Variants in KLRC3 observed in about 807,000 individuals in gnomAD.
KLRC3 encodes the protein NKG2-E type II integral membrane protein.
Under a neutral mutation model 23.6 loss-of-function variants are expected in KLRC3, and 16 were observed. That is an observed-to-expected ratio of 0.68 (90% CI 0.46 to 1.03). The LOEUF is 1.03. KLRC3 is among the 50% of genes least tolerant of loss of function. The probability of loss-of-function intolerance (pLI) is 0.00; values close to 1 mark genes in which losing one functional copy is unlikely to be tolerated. For missense variants in KLRC3, 209 were observed against 232.2 expected, an observed-to-expected ratio of 0.90 and a Z score of 0.65; for synonymous variants, 70 against 71.8, an observed-to-expected ratio of 0.98 and a Z score of 0.13.
chr12:10,413,924 C>T (rs954204552), intron 6 of KLRC3, among the ~76,000 whole-genome samples: 7 of 152,118 alleles, frequency 4.6e-5, no homozygotes, highest in African/African-American at 1.7e-4. Flanking sequence ...TGATGGTTTC[C>T]AGCTTCATCC....
chr12:10,416,330 C>T (rs981723666), intron 5 of KLRC3, among the ~76,000 whole-genome samples: 2 of 152,190 alleles, frequency 1.3e-5, no homozygotes, highest in African/African-American at 4.8e-5. Flanking sequence ...TTAAAACATT[C>T]TGAGATATTT....
chr12:10,415,664 C>G, intron 6 of KLRC3, 40 bp downstream of exon 6: 1 of 1,612,684 alleles, frequency 6.2e-7, no homozygotes, highest in Non-Finnish European at 8.5e-7. Context: ...ATCTGATGCA[C>G]TGCAAGCTCA....
chr12:10,413,910 A>C (rs1341275109), intron 6 of KLRC3, among the ~76,000 whole-genome samples: 1 of 151,656 alleles, frequency 6.6e-6, no homozygotes, highest in African/African-American at 2.4e-5. Context: ...TAGTTTGCTG[A>C]GAATGATGGT....
chr12:10,415,570 CTTA>C, intron 6 of KLRC3, 131 bp downstream of exon 6: 2 of 1,355,358 alleles, frequency 1.5e-6, no homozygotes, highest in Non-Finnish European at 2.0e-6. Context: ...TTGGAATTTT[CTTA>C]TTATTAGAGC....
intron 3 of KLRC3, 43 bp from the exon 4 acceptor site, chr12:10,418,541 T>A (rs749050331): frequency 2.8e-5 from 42 of 1,510,330 alleles, no homozygotes; most frequent in Middle Eastern, 1.7e-4. Context: ...TATGAATTTT[T>A]AAAAATGAAA....
At chr12:10,420,022 A>G (rs570967280) in intron 1 of KLRC3, 58 bp from the exon 2 acceptor site, 18 of 288,208 alleles carry the variant, frequency 6.2e-5, no homozygotes, top group Non-Finnish European at 1.0e-4. Flanking sequence ...GATTAGGATT[A>G]CATACTAGAG....
chr12:10,412,374 T>C lies in KLRC3; in HGVS notation c.*198A>G. ...TCTGCATTTTAATATTAATATTTGT[T>C]GTAAATGACTAATGCTTAAATCAAA... On this transcript the variant is annotated 3_prime_UTR_variant, in exon 7 of 7. Coordinates refer to ENST00000396439, the MANE Select transcript of KLRC3 (RefSeq NM_002261.3). The C allele has an allele frequency of 1.7e-6, 1 of 576,258 alleles. No homozygotes were observed. The highest frequency in any genetic ancestry group is 3.1e-6 in the Non-Finnish European group (1 of 327,774). The allele number at this position is 576,258 out of a possible 1,614,324, so 35.7% of individuals were successfully genotyped here.
intron 1 of KLRC3, 48 bp from the exon 2 acceptor site, chr12:10,420,012 G>A (rs1483381085): frequency 3.1e-6 from 1 of 319,976 alleles, no homozygotes; most frequent in African/African-American, 2.5e-5. Context: ...ATAGAGAGTT[G>A]ATTAGGATTA....
At position 10,420,286 on chromosome 12, in the gene KLRC3, C is replaced by T. The variant is rs892313985; in HGVS notation, c.187+78G>A. The T allele has an allele frequency of 4.2e-6, 6 of 1,433,290 alleles. No individual in the cohort carries two copies. In the African/African-American group the frequency reaches 8.5e-5, roughly 20 times the overall value. The allele number at this position is 1,433,290 out of a possible 1,614,324, so 88.8% of individuals were successfully genotyped here. On this transcript the variant is annotated intron_variant, in intron 1 of 6. Transcript: ENST00000396439. ...CTGATTCTCACAAGTGTAAAATATT[C>T]CCTAATCTTTCCTCACCCTTCTGCA...
intron 3 of KLRC3, 50 bp from the exon 4 acceptor site, chr12:10,418,548 G>A: frequency 2.0e-6 from 3 of 1,501,482 alleles, no homozygotes; most frequent in East Asian, 2.3e-5. Flanking sequence ...TTTTAAAAAT[G>A]AAAATTAGTT....
At position 10,415,707 on chromosome 12, in the gene KLRC3, G is replaced by A. The variant is rs764883652; in HGVS notation, c.675C>T (p.Ile225=). The A allele has an allele frequency of 1.9e-6, 3 of 1,612,676 alleles. No homozygotes were observed. In the South Asian group the frequency reaches 3.3e-5, roughly 18 times the overall value. Residue 225 remains isoleucine, a synonymous_variant, in exon 6 of 7, where the codon ATC becomes ATT. Coordinates refer to ENST00000396439, the MANE Select transcript of KLRC3 (RefSeq NM_002261.3). ...LISDQCGSSR[I]IRRGFIMLTR... ...TAATTCTAAAGCTTATGCTCACAAT[G>A]ATTCTTGAAGATCCACACTGGTCTG...
intron 4 of KLRC3, among the ~76,000 whole-genome samples, chr12:10,417,151 A>G (rs1037941158): frequency 6.6e-6 from 1 of 151,700 alleles, no homozygotes; most frequent in African/African-American, 2.4e-5. Flanking sequence ...ATGACATGGA[A>G]GCTACAGATT....
chr12:10,412,730 T>A (rs2137853472), intron 6 of KLRC3, 114 bp from the exon 7 acceptor site: 1 of 622,464 alleles, frequency 1.6e-6, no homozygotes, highest in East Asian at 3.0e-5. Flanking sequence ...GAGGCTGCAG[T>A]GAGCCGAGAT....
chr12:10,420,120 C>T (rs1489684592), intron 1 of KLRC3, among the ~76,000 whole-genome samples, 156 bp from the exon 2 acceptor site: 1 of 151,568 alleles, frequency 6.6e-6, no homozygotes, highest in African/African-American at 2.4e-5. Flanking sequence ...TAATCTTTCT[C>T]TCAGAATATA....
Position 10,418,402 on chromosome 12 carries a change from T to C in KLRC3, c.428A>G (p.Gln143Arg), listed in dbSNP as rs35805907. 5.6e-6 allele frequency: 9 copies of C among 1,612,164 alleles called. No individual in the cohort carries two copies. The highest frequency in any genetic ancestry group is 1.7e-4 in the Middle Eastern group (1 of 6,052). ...AGAAGAGTTCTTTGAAGCACAGGCC[T>C]GCAAACTCTCTTCCCAAGTTCTTCT... ...KERRTWEESLQACASKNSSSL... is the reference protein window; with the variant it reads ...KERRTWEESLRACASKNSSSL... Residue 143 changes from glutamine (Q) to arginine (R), a missense_variant, in exon 4 of 7, where the codon CAG becomes CGG. Coordinates refer to ENST00000396439, the MANE Select transcript of KLRC3 (RefSeq NM_002261.3).
chr12:10,416,704 G>A lies in KLRC3; in HGVS notation c.550C>T (p.Pro184Ser), dbSNP rs534396424. The part of the protein sequence containing the change: ...IGVFRNSSHH[P>S]WVTINGLAFK... The stretch of plus-strand genomic sequence containing the variant: ...GCCAAACCATTTATTGTCACCCATG[G>A]ATGATGACTGCTGTTACGAAACACA... Residue 184 changes from proline to serine, a missense_variant, in exon 5 of 7, where the codon CCA (proline) becomes TCA (serine). This residue lies in a region of KLRC3 where 17 missense variants were observed against 39.5 expected (regional missense o/e 0.43). Coordinates refer to ENST00000396439, the MANE Select transcript of KLRC3 (RefSeq NM_002261.3). 73 of 1,611,000 alleles carry A rather than the reference G, an allele frequency of 4.5e-5. No individual in the cohort carries two copies. In the South Asian group the frequency reaches 7.6e-4, roughly 17 times the overall value.
chr12:10,418,290 T>A, intron 4 of KLRC3, 54 bp downstream of exon 4: 1 of 1,492,666 alleles, frequency 6.7e-7, no homozygotes, highest in South Asian at 1.2e-5. Flanking sequence ...TCTACAAATG[T>A]ATTATTCACT....
At chr12:10,413,047 T>A (rs1863594911) in intron 6 of KLRC3, among the ~76,000 whole-genome samples, 1 of 152,174 alleles carries the variant, frequency 6.6e-6, no homozygotes, top group Admixed American at 6.5e-5. Flanking sequence ...CTAGCCAAGC[T>A]TGGCTAGGAG....
intron 4 of KLRC3, 34 bp downstream of exon 4, chr12:10,418,309 CT>C: frequency 6.5e-7 from 1 of 1,538,078 alleles, no homozygotes; most frequent in Non-Finnish European, 8.9e-7. Flanking sequence ...CTGAAAGAAG[CT>C]TTTCATAAAA....
Sources: allele counts gnomAD v4.1 joint callset (sites outside exome capture counted in the v4.1 genomes callset), GRCh38; gene constraint gnomAD v4.1.1; regional missense constraint gnomAD v4.1.1; transcripts MANE v1.5; gene names NCBI Gene and HGNC (gene_info 2026-07-23, HGNC 2026-07-21).